Variants in TMEM232 observed in about 807,000 individuals in gnomAD.
The protein encoded by TMEM232 is transmembrane protein 232.
In TMEM232, 80 loss-of-function variants were observed where a neutral mutation model predicts 78.8. The observed-to-expected ratio is 1.01, with a 90% CI of 0.85 to 1.22. The LOEUF is 1.22. TMEM232 is among the 50% of genes most tolerant of loss of function. TMEM232 has a pLI of 0.00. For missense variants in TMEM232, 881 were observed against 742.2 expected (o/e 1.19, Z -2.17); for synonymous variants, 297 against 254.3 (o/e 1.17, Z -1.60).
At chr5:110,586,568 TCA>T (rs61213708) in intron 10 of TMEM232, among the ~76,000 whole-genome samples, 24,576 of 148,074 alleles carry the variant, frequency 0.17, 2,355 homozygotes, top group East Asian at 0.32. Flanking sequence ...ACACACCCTT[TCA>T]CACACACACA....
At chr5:110,461,479 G>C (rs1761523552) in intron 12 of TMEM232, among the ~76,000 whole-genome samples, 1 of 152,212 alleles carries the variant, frequency 6.6e-6, no homozygotes, top group Non-Finnish European at 1.5e-5. Flanking sequence ...AGTGCAAGGT[G>C]AAGCGGCAAG....
chr5:110,609,750 G>T (rs1318927003), intron 8 of TMEM232, among the ~76,000 whole-genome samples: 1 of 152,046 alleles, frequency 6.6e-6, no homozygotes, highest in African/African-American at 2.4e-5. Flanking sequence ...TGTTATGAAT[G>T]CTGTGAACAC....
At chr5:110,433,808 C>T (rs1181550778) in intron 12 of TMEM232, among the ~76,000 whole-genome samples, 4 of 152,050 alleles carry the variant, frequency 2.6e-5, no homozygotes, top group African/African-American at 7.2e-5. Context: ...GTTGAACCAT[C>T]TTAAATCCCA....
At chr5:110,705,234 C>A (rs1795808897) in intron 1 of TMEM232, among the ~76,000 whole-genome samples, 1 of 152,034 alleles carries the variant, frequency 6.6e-6, no homozygotes, top group Non-Finnish European at 1.5e-5. Flanking sequence ...TTATCAACAA[C>A]CCAAACATGT....
chr5:110,612,900 G>C (rs1159418590), intron 8 of TMEM232, among the ~76,000 whole-genome samples: 1 of 152,108 alleles, frequency 6.6e-6, no homozygotes, highest in Non-Finnish European at 1.5e-5. Context: ...AGAGCAAATA[G>C]TGCCGTTTAT....
At position 110,638,236 on chromosome 5, in the gene TMEM232, T is replaced by C. The variant is rs1368971644; in HGVS notation, c.463A>G (p.Lys155Glu). 2.6e-6 allele frequency: 4 copies of C among 1,549,190 alleles called. No homozygotes were observed. The Admixed American group carries it at 7.9e-5, about 31-fold the overall frequency. ...ATTTCAACTGAATATAAATATGTTTTGAGGGATGCATCACAACACAGTCTG... is the reference window on the plus strand; with the variant it reads ...ATTTCAACTGAATATAAATATGTTTCGAGGGATGCATCACAACACAGTCTG... ...LYRLCCDASL[K>E]TYLYSVEIKL... The change falls in exon 5 of 14, where the codon AAA becomes GAA. Residue 155 changes from lysine to glutamate, a missense_variant. Coordinates refer to ENST00000455884, the MANE Select transcript of TMEM232 (RefSeq NM_001039763.4).
chr5:110,660,713 A>G (rs1789662546), intron 2 of TMEM232, among the ~76,000 whole-genome samples: 1 of 151,798 alleles, frequency 6.6e-6, no homozygotes, highest in African/African-American at 2.4e-5. Context: ...GGATACATAG[A>G]TAGTTGTACA....
chr5:110,663,998 T>G (rs577240631), intron 2 of TMEM232, among the ~76,000 whole-genome samples: 2 of 151,960 alleles, frequency 1.3e-5, no homozygotes, highest in African/African-American at 4.8e-5. Context: ...TATTTATCCG[T>G]GTATGGTGAC....
chr5:110,645,789 G>A (rs1383310066), intron 2 of TMEM232, among the ~76,000 whole-genome samples: 1 of 151,492 alleles, frequency 6.6e-6, no homozygotes, highest in East Asian at 1.9e-4. Context: ...ATCACTTCTT[G>A]CAAATGACAT....
chr5:110,447,985 A>G (rs1561507505), intron 12 of TMEM232, among the ~76,000 whole-genome samples: 1 of 152,134 alleles, frequency 6.6e-6, no homozygotes, highest in Non-Finnish European at 1.5e-5. Flanking sequence ...CAAAGATACC[A>G]CAGAAAACTT....
At chr5:110,689,207 C>T (rs934269242) in intron 1 of TMEM232, among the ~76,000 whole-genome samples, 1 of 152,088 alleles carries the variant, frequency 6.6e-6, no homozygotes, top group Non-Finnish European at 1.5e-5. Context: ...CCTTTGTAAA[C>T]CCTGGGGCAA....
chr5:110,552,756 A>G (rs954260013), intron 11 of TMEM232, among the ~76,000 whole-genome samples: 1 of 152,126 alleles, frequency 6.6e-6, no homozygotes, highest in African/African-American at 2.4e-5. Flanking sequence ...GCAAATATAT[A>G]ATTTATCATT....
chr5:110,491,454 A>G (rs1484280085), intron 12 of TMEM232, among the ~76,000 whole-genome samples: 1 of 152,050 alleles, frequency 6.6e-6, no homozygotes, highest in Non-Finnish European at 1.5e-5. Flanking sequence ...GAATAGGCAA[A>G]TCCACAGAAA....
At chr5:110,518,137 T>C (rs1181840280) in intron 12 of TMEM232, among the ~76,000 whole-genome samples, 1 of 152,060 alleles carries the variant, frequency 6.6e-6, no homozygotes, top group East Asian at 1.9e-4. Context: ...TCTCTCTCTC[T>C]CTCTCTCTTT....
chr5:110,524,807 T>C (rs1238875080), intron 12 of TMEM232, among the ~76,000 whole-genome samples: 1 of 152,200 alleles, frequency 6.6e-6, no homozygotes, highest in Non-Finnish European at 1.5e-5. Flanking sequence ...TATTGATTTA[T>C]ATATTTAGAT....
At chr5:110,449,175 A>G (rs1194534966) in intron 12 of TMEM232, among the ~76,000 whole-genome samples, 1 of 152,076 alleles carries the variant, frequency 6.6e-6, no homozygotes, top group Admixed American at 6.6e-5. Context: ...AAACAGTTAA[A>G]AGAGGGTAAT....
chr5:110,456,936 T>C (rs1444366469), intron 12 of TMEM232, among the ~76,000 whole-genome samples: 1 of 152,070 alleles, frequency 6.6e-6, no homozygotes, highest in Non-Finnish European at 1.5e-5. Context: ...TACAAGGAAA[T>C]GGAATAAAAT....
chr5:110,620,628 TCTCTCTCTCTC>T (rs1783563006), intron 7 of TMEM232, among the ~76,000 whole-genome samples: 3 of 102,340 alleles, frequency 2.9e-5, no homozygotes, highest in Admixed American at 1.0e-4. Flanking sequence ...TCTCTCTCTC[TCTCTCTCTCTC>T]CTCTCTCCTC....
chr5:110,732,684 G>C (rs1320907348), intron 2 of TMEM232, among the ~76,000 whole-genome samples: 1 of 152,154 alleles, frequency 6.6e-6, no homozygotes, highest in African/African-American at 2.4e-5. Context: ...TGAATTCTGG[G>C]AGATACAATT....
Sources: gnomAD v4.1 joint callset for allele counts (sites outside exome capture counted in the v4.1 genomes callset) on GRCh38, gnomAD v4.1.1 for gene constraint, MANE v1.5 for transcripts, NCBI Gene and HGNC (gene_info 2026-07-23, HGNC 2026-07-21) for gene names.